EPHA6: variants seen among roughly 807,000 people sequenced by gnomAD.
The protein encoded by EPHA6 is EPH receptor A6.
In EPHA6, 50 loss-of-function variants were observed where a neutral mutation model predicts 112.0. The observed-to-expected ratio is 0.45, with a 90% CI of 0.36 to 0.56. The LOEUF (loss-of-function observed/expected upper bound fraction) is 0.56. Ranked by LOEUF, EPHA6 falls within the 20% of genes least tolerant of loss-of-function variation. EPHA6 has a pLI of 0.00. For synonymous variants in EPHA6, 529 were observed against 490.7 expected (o/e 1.08, Z -1.03); for missense variants, 1,280 against 1,417.4 (o/e 0.90, Z 1.56).
At chr3:97,479,424 A>T in intron 9 of EPHA6, 60 bp downstream of exon 9, 1 of 1,148,832 alleles carries the variant, frequency 8.7e-7, no homozygotes, top group Non-Finnish European at 1.2e-6. Flanking sequence ...TCAGGAGTTC[A>T]TTCAAACTGT....
At chr3:97,418,252 A>G (rs2088298308) in intron 6 of EPHA6, among the ~76,000 whole-genome samples, 1 of 151,828 alleles carries the variant, frequency 6.6e-6, no homozygotes, top group Non-Finnish European at 1.5e-5. Context: ...TAATGAAAAG[A>G]CATTTAAAAA....
chr3:97,176,681 A>T, intron 3 of EPHA6, among the ~76,000 whole-genome samples: 1 of 151,884 alleles, frequency 6.6e-6, no homozygotes, highest in Non-Finnish European at 1.5e-5. Context: ...TTATTGGCAT[A>T]TAGTTGCTCA....
chr3:97,576,732 G>A (rs1450248602), intron 11 of EPHA6, among the ~76,000 whole-genome samples: 2 of 152,004 alleles, frequency 1.3e-5, no homozygotes, highest in Non-Finnish European at 2.9e-5. Flanking sequence ...GAGATGACCC[G>A]TGGAATGTTT....
At chr3:97,423,064 G>A (rs1373242703) in intron 6 of EPHA6, among the ~76,000 whole-genome samples, 1 of 152,146 alleles carries the variant, frequency 6.6e-6, no homozygotes, top group Non-Finnish European at 1.5e-5. Flanking sequence ...ATGGGCAAAA[G>A]CTGGAAGCCT....
chr3:97,015,136 T>C (rs1271831051), intron 3 of EPHA6, among the ~76,000 whole-genome samples: 1 of 152,040 alleles, frequency 6.6e-6, no homozygotes, highest in Non-Finnish European at 1.5e-5. Context: ...TCATAGAAAA[T>C]TGTAAATTGA....
intron 5 of EPHA6, among the ~76,000 whole-genome samples, chr3:97,271,423 A>G (rs1414436156): frequency 6.6e-6 from 1 of 152,236 alleles, no homozygotes; most frequent in African/African-American, 2.4e-5. Flanking sequence ...CAGTGGCACA[A>G]TCTCGGCTCA....
chr3:97,668,911 CAAAAA>C (rs397990599), intron 14 of EPHA6, among the ~76,000 whole-genome samples: 782 of 31,598 alleles, frequency 0.025, 3 homozygotes, highest in Admixed American at 0.1. Context: ...GACTCTGTCT[CAAAAA>C]AAAAAAAAAA....
chr3:97,213,707 A>G (rs77622973), intron 3 of EPHA6, among the ~76,000 whole-genome samples: 8,765 of 152,194 alleles, frequency 0.058, 643 homozygotes, highest in Admixed American at 0.2. Context: ...GCCTACTTCT[A>G]CTTTGAGTCC....
intron 2 of EPHA6, among the ~76,000 whole-genome samples, chr3:96,957,980 T>G (rs2041823729): frequency 6.6e-6 from 1 of 152,200 alleles, no homozygotes; most frequent in Non-Finnish European, 1.5e-5. Flanking sequence ...AAAGAGTTCC[T>G]GAAATCTCAG....
chr3:96,929,310 A>G (rs1350493998), intron 2 of EPHA6, among the ~76,000 whole-genome samples: 4 of 152,216 alleles, frequency 2.6e-5, no homozygotes, highest in Non-Finnish European at 4.4e-5. Context: ...ACTTGTTTAC[A>G]TGGTTGCTTC....
chr3:97,704,376 A>ATTCTCT (rs1411413759), intron 14 of EPHA6, among the ~76,000 whole-genome samples: 1 of 152,132 alleles, frequency 6.6e-6, no homozygotes, highest in Non-Finnish European at 1.5e-5. Context: ...GGAACGGTGA[A>ATTCTCT]TTCTCTTTCT....
intron 3 of EPHA6, among the ~76,000 whole-genome samples, chr3:97,045,305 C>G (rs887517301): frequency 6.6e-6 from 1 of 151,890 alleles, no homozygotes; most frequent in African/African-American, 2.4e-5. Context: ...AAGATTATCT[C>G]CCTGACAGAT....
intron 1 of EPHA6, among the ~76,000 whole-genome samples, chr3:96,853,770 G>C (rs908141152): frequency 6.6e-6 from 1 of 151,224 alleles, no homozygotes; most frequent in Non-Finnish European, 1.5e-5. Flanking sequence ...AGGATTTCAA[G>C]TTTATTATTG....
At chr3:97,663,753 G>A (rs1048532514) in intron 14 of EPHA6, among the ~76,000 whole-genome samples, 4 of 152,030 alleles carry the variant, frequency 2.6e-5, no homozygotes, top group African/African-American at 9.7e-5. Context: ...ATTTGGGTTG[G>A]TTCCAAGTCT....
At chr3:96,913,654 T>C (rs2039343912) in intron 2 of EPHA6, among the ~76,000 whole-genome samples, 1 of 152,148 alleles carries the variant, frequency 6.6e-6, no homozygotes. Context: ...CATCATAAGA[T>C]AGTAAGATCA....
At chr3:97,396,115 G>GA in intron 5 of EPHA6, among the ~76,000 whole-genome samples, 1 of 151,532 alleles carries the variant, frequency 6.6e-6, no homozygotes, top group African/African-American at 2.4e-5. Flanking sequence ...CGGATTGCTG[G>GA]AAAAAATATA....
At chr3:97,039,206 A>G (rs1374858438) in intron 3 of EPHA6, among the ~76,000 whole-genome samples, 1 of 152,110 alleles carries the variant, frequency 6.6e-6, no homozygotes, top group Non-Finnish European at 1.5e-5. Context: ...ATAAGTTGGC[A>G]AACTGTAAAC....
intron 3 of EPHA6, among the ~76,000 whole-genome samples, chr3:97,076,097 G>T (rs1159578022): frequency 6.6e-6 from 1 of 152,044 alleles, no homozygotes. Flanking sequence ...CAAGTGAAAG[G>T]AAGAGTGTCA....
intron 5 of EPHA6, among the ~76,000 whole-genome samples, chr3:97,355,373 T>A (rs916348748): frequency 6.6e-5 from 10 of 152,024 alleles, no homozygotes; most frequent in African/African-American, 2.4e-4. Context: ...CCAGGAGAGA[T>A]AAAGTTAGAG....
Sources: allele counts gnomAD v4.1 joint callset (sites outside exome capture counted in the v4.1 genomes callset), GRCh38; gene constraint gnomAD v4.1.1; transcripts MANE v1.5; gene names NCBI Gene and HGNC (gene_info 2026-07-23, HGNC 2026-07-21).